Variants in ATP2C2 observed in about 807,000 individuals in gnomAD.
The protein encoded by ATP2C2 is calcium-transporting ATPase type 2C member 2.
ATP2C2 carries 171 observed loss-of-function variants against 110.8 expected under a neutral mutation model. That is an observed-to-expected ratio of 1.54 (90% CI 1.36 to 1.75). The LOEUF is 1.75. Ranked by LOEUF, ATP2C2 falls within the 40% of genes most tolerant of loss-of-function variation. The pLI, the probability that ATP2C2 is intolerant of heterozygous loss-of-function variation, is 0.00. For synonymous variants in ATP2C2, 804 were observed against 508.4 expected (o/e 1.58, Z -7.82); for missense variants, 1,963 against 1,235.0 (o/e 1.59, Z -8.84).
rs147607083 is a variant in ATP2C2, at chr16:84,447,480, T to C, written c.1503+1050T>C. ...TCTATTTTAAGTCTGGGATGGAGCA[T>C]TGCAGATTTTAAATATGCAAACGAC... On this transcript the variant is annotated intron_variant, in intron 16 of 26. Transcript: ENST00000262429. Among the ~76,000 whole-genome samples, 7 of 151,902 alleles carry C rather than the reference T, an allele frequency of 4.6e-5. No homozygotes were observed. In the East Asian group the frequency reaches 7.7e-4, roughly 17 times the overall value.
intron 6 of ATP2C2, among the ~76,000 whole-genome samples, chr16:84,414,456 G>C (rs1163608379): frequency 6.6e-6 from 1 of 152,182 alleles, no homozygotes; most frequent in Non-Finnish European, 1.5e-5. Context: ...AGGCCCTATA[G>C]AAGAAGGGTG....
rs62640926 is a variant in ATP2C2, at chr16:84,452,071, T to A, written c.1811T>A (p.Leu604Gln). ...VSVKMITGDA[L>Q]ETALAIGRNI... ...GTGAAGATGATAACGGGGGATGCCC[T>A]GGAGACGGCCTTGGCCATAGGTAAC... Residue 604 changes from leucine to glutamine, a missense_variant, in exon 18 of 27, where the codon CTG becomes CAG. Physicochemically the swap from Leu to Gln is moderately radical, Grantham distance 113. Transcript: ENST00000262429. The A allele has an allele frequency of 0.063, 102,315 of 1,613,768 alleles. 3,743 individuals carry two copies. The highest frequency in any genetic ancestry group is 0.074 in the Middle Eastern group (449 of 6,062).
intron 11 of ATP2C2, among the ~76,000 whole-genome samples, chr16:84,427,643 G>A (rs897277182): frequency 1.3e-5 from 2 of 152,158 alleles, no homozygotes; most frequent in Non-Finnish European, 2.9e-5. Context: ...CTTGAGCCCG[G>A]GAGGTGGAGT....
intron 1 of ATP2C2, among the ~76,000 whole-genome samples, chr16:84,392,463 C>G (rs1029668842): frequency 2.0e-5 from 3 of 152,008 alleles, no homozygotes; most frequent in African/African-American, 7.2e-5. Flanking sequence ...ACGTTTCATC[C>G]TTGTGTTTTT....
At chr16:84,449,907 T>G (rs1448476463) in intron 17 of ATP2C2, among the ~76,000 whole-genome samples, 1 of 152,236 alleles carries the variant, frequency 6.6e-6, no homozygotes, top group Non-Finnish European at 1.5e-5. Context: ...ACCTGGCACT[T>G]GGGCCCCACT....
intron 21 of ATP2C2, among the ~76,000 whole-genome samples, chr16:84,455,324 A>T (rs8064169): frequency 1.3e-5 from 2 of 151,884 alleles, no homozygotes; most frequent in African/African-American, 4.8e-5. Flanking sequence ...GCAGCTGAAT[A>T]TGTAAGGAAA....
At chr16:84,384,239 C>T (rs1904293576) in intron 1 of ATP2C2, among the ~76,000 whole-genome samples, 1 of 152,064 alleles carries the variant, frequency 6.6e-6, no homozygotes. Context: ...TGCCACGTCC[C>T]TCTGTTTCTC....
intron 3 of ATP2C2, chr16:84,407,119 T>C (rs957845902): frequency 1.3e-5 from 2 of 152,028 alleles, no homozygotes; most frequent in East Asian, 3.9e-4. Flanking sequence ...CTCTCCCTTA[T>C]TAATTCCTTA....
chr16:84,409,583 C>G (rs1242788415), intron 4 of ATP2C2, among the ~76,000 whole-genome samples: 1 of 152,134 alleles, frequency 6.6e-6, no homozygotes, highest in African/African-American at 2.4e-5. Flanking sequence ...GATCTCAGCT[C>G]AGTACAACCT....
chr16:84,462,227 G>C, intron 26 of ATP2C2, 98 bp downstream of exon 26: 2 of 1,486,664 alleles, frequency 1.3e-6, no homozygotes, highest in Middle Eastern at 2.5e-4. Flanking sequence ...GGGTCAGTGC[G>C]GGAAAGCAGA....
intron 21 of ATP2C2, among the ~76,000 whole-genome samples, chr16:84,456,268 T>C (rs1910780924): frequency 1.4e-5 from 2 of 147,410 alleles, no homozygotes; most frequent in African/African-American, 2.5e-5. Flanking sequence ...TGGACTCTTT[T>C]TGGTTGGTAA....
chr16:84,384,726 C>T, intron 1 of ATP2C2, among the ~76,000 whole-genome samples: 1 of 152,182 alleles, frequency 6.6e-6, no homozygotes, highest in East Asian at 1.9e-4. Context: ...CTAATTCCAT[C>T]TACATTAGTC....
At chr16:84,385,481 A>C (rs9630650) in intron 1 of ATP2C2, among the ~76,000 whole-genome samples, 27,692 of 152,042 alleles carry the variant, frequency 0.18, 2,689 homozygotes, top group South Asian at 0.3. Flanking sequence ...CTCTCATTTA[A>C]CGTCTCCTGT....
chr16:84,403,413 G>C (rs4782955), intron 2 of ATP2C2, among the ~76,000 whole-genome samples: 152,290 of 152,308 alleles, frequency 1, 76,136 homozygotes, highest in Non-Finnish European at 1. Context: ...TTAAGCAATC[G>C]TCCTGCCTCA....
Position 84,442,599 on chromosome 16 carries a change from G to A in ATP2C2, c.1401G>A (p.Lys467=), listed in dbSNP as rs751643113. 1.2e-6 allele frequency: 2 copies of A among 1,613,860 alleles called. No homozygotes were observed. Among genetic ancestry groups the A allele is most frequent in the East Asian group, 2.2e-5 (1 of 44,870 alleles). The change falls in exon 15 of 27, where the codon AAG becomes AAA. Residue 467 remains lysine, a splice_region_variant and synonymous_variant. Coordinates refer to ENST00000262429, the MANE Select transcript of ATP2C2 (RefSeq NM_014861.4). ...GTGCATTGATGGCCCTGGCGATGAA[G>A]GTAGGAGGTCCTGGGGTGGCTCTGC... The part of the protein sequence containing the change: ...TEGALMALAM[K]MDLSDIKNSY...
chr16:84,397,086 G>C (rs892770939), intron 1 of ATP2C2, among the ~76,000 whole-genome samples: 2 of 151,858 alleles, frequency 1.3e-5, no homozygotes, highest in African/African-American at 4.9e-5. Context: ...AAAAGGAAAA[G>C]ATGATTATCA....
At chr16:84,432,797 A>C (rs2150558023) in intron 11 of ATP2C2, among the ~76,000 whole-genome samples, 1 of 152,212 alleles carries the variant, frequency 6.6e-6, no homozygotes, top group African/African-American at 2.4e-5. Flanking sequence ...CTGGGATTAC[A>C]GGTGTGAGCC....
chr16:84,445,693 A>C (rs1000885286), intron 15 of ATP2C2, among the ~76,000 whole-genome samples: 1 of 152,168 alleles, frequency 6.6e-6, no homozygotes, highest in African/African-American at 2.4e-5. Flanking sequence ...TTTCTTCCCT[A>C]ATCACCCCAC....
chr16:84,388,110 T>C (rs56072060), intron 1 of ATP2C2, among the ~76,000 whole-genome samples: 46,591 of 151,858 alleles, frequency 0.31, 7,287 homozygotes, highest in South Asian at 0.42. Context: ...GGTGGGTAGA[T>C]CACCTGAGGT....
Sources: gnomAD v4.1 joint callset for allele counts (sites outside exome capture counted in the v4.1 genomes callset) on GRCh38, gnomAD v4.1.1 for gene constraint, MANE v1.5 for transcripts, NCBI Gene and HGNC (gene_info 2026-07-23, HGNC 2026-07-21) for gene names.